Variants in EMX1 observed in about 807,000 individuals in gnomAD.
EMX1 encodes the protein homeobox protein EMX1.
In EMX1, 10 loss-of-function variants were observed where a neutral mutation model predicts 20.1. That is an observed-to-expected ratio of 0.50 (90% CI 0.31 to 0.84). EMX1 has a LOEUF of 0.84. Ranked by LOEUF, EMX1 falls within the 40% of genes least tolerant of loss-of-function variation. EMX1 has a pLI of 0.05. For synonymous variants in EMX1, 250 were observed against 200.4 expected, an observed-to-expected ratio of 1.25 and a Z score of -2.09; for missense variants, 424 against 431.9, an observed-to-expected ratio of 0.98 and a Z score of 0.16.
intron 2 of EMX1, 107 bp downstream of exon 2, chr2:72,924,600 G>T (rs1329832854): frequency 6.0e-6 from 8 of 1,323,918 alleles, no homozygotes; most frequent in Non-Finnish European, 8.0e-6. Flanking sequence ...GCCCTGCTGG[G>T]TTCCAAAAGG....
At chr2:72,918,616 G>C (rs1225235388) in intron 1 of EMX1, among the ~76,000 whole-genome samples, 1 of 152,212 alleles carries the variant, frequency 6.6e-6, no homozygotes, top group Admixed American at 6.5e-5. Flanking sequence ...ATACCAGTTC[G>C]GACGCAAGCC....
At chr2:72,916,590 G>A (rs1184098432), upstream of EMX1, 17 of 652,660 alleles carry the variant, frequency 2.6e-5, no homozygotes, top group Non-Finnish European at 4.2e-5. Context: ...CCGGAGCAGA[G>A]TCGTCCGCGG....
chr2:72,921,913 C>T (rs543917596), intron 1 of EMX1, among the ~76,000 whole-genome samples: 3 of 152,308 alleles, frequency 2.0e-5, no homozygotes, highest in Admixed American at 2.0e-4. Flanking sequence ...TTTATAAAGA[C>T]AAACACAGAG....
At chr2:72,931,142 G>A (rs1399332731) in intron 2 of EMX1, among the ~76,000 whole-genome samples, 1 of 152,188 alleles carries the variant, frequency 6.6e-6, no homozygotes, top group East Asian at 1.9e-4. Context: ...CTTGACCCCA[G>A]TATTTTTCAT....
In EMX1 at chr2:72,917,802, G is replaced by A. The variant is rs1045071235; in HGVS notation, c.-51G>A. Reference sequence around the variant, plus strand: ...CTCCGCGCCTGGCTCGCCCGCGGGGGCCGAGCGCGAGCGGGCGGGCGGGGG... The same window carrying A: ...CTCCGCGCCTGGCTCGCCCGCGGGGACCGAGCGCGAGCGGGCGGGCGGGGG... On this transcript the variant is annotated 5_prime_UTR_variant, in exon 1 of 3. Transcript: ENST00000258106. 3.2e-6 allele frequency: 4 copies of A among 1,269,726 alleles called. No individual in the cohort carries two copies. Among genetic ancestry groups the A allele is most frequent in the Middle Eastern group, 3.0e-4 (1 of 3,314 alleles). The allele number at this position is 1,269,726 out of a possible 1,614,324, so 78.7% of individuals were successfully genotyped here.
intron 2 of EMX1, 177 bp from the exon 3 acceptor site, chr2:72,933,610 G>A (rs953731687): frequency 1.3e-5 from 9 of 673,146 alleles, no homozygotes; most frequent in African/African-American, 3.6e-5. Context: ...ATCCCCTTCT[G>A]TGAATGTTAG....
chr2:72,925,921 T>G, intron 2 of EMX1: 13 of 985,432 alleles, frequency 1.3e-5, no homozygotes, highest in Non-Finnish European at 1.6e-5. Context: ...GGGAAAAAGC[T>G]TACAAAACAA....
intron 2 of EMX1, among the ~76,000 whole-genome samples, chr2:72,932,745 C>T (rs1671304315): frequency 6.6e-6 from 1 of 152,182 alleles, no homozygotes; most frequent in Admixed American, 6.5e-5. Flanking sequence ...GATGGTTGTC[C>T]AGTTTCTGTT....
chr2:72,933,985 G>GTGCTGCT lies in EMX1; in HGVS notation c.*39_*45dup, dbSNP rs369392080. The GTGCTGCT allele has an allele frequency of 6.3e-5, 102 of 1,613,406 alleles. No homozygotes were observed. In the East Asian group the frequency reaches 2.2e-3, roughly 35 times the overall value. On this transcript the variant is annotated 3_prime_UTR_variant, in exon 3 of 3. Coordinates refer to ENST00000258106, the MANE Select transcript of EMX1 (RefSeq NM_004097.3). ...GCAACCACAAACCCACGAGGGCAGA[G>GTGCTGCT]TGCTGCTTGCTGCTGGCCAGGCCCC...
intron 1 of EMX1, 114 bp from the exon 2 acceptor site, chr2:72,924,195 A>G (rs942515004): frequency 1.5e-6 from 2 of 1,312,078 alleles, no homozygotes; most frequent in Non-Finnish European, 2.1e-6. Context: ...AGGAATGGAG[A>G]GGGCAGGGCG....
At chr2:72,924,554 C>T in intron 2 of EMX1, 61 bp downstream of exon 2, 1 of 1,481,722 alleles carries the variant, frequency 6.7e-7, no homozygotes, top group Non-Finnish European at 9.0e-7. Context: ...TGAGGGTGCG[C>T]GGGTGCAGGA....
intron 1 of EMX1, among the ~76,000 whole-genome samples, chr2:72,919,305 TTTTC>T (rs1240802029): frequency 6.8e-6 from 1 of 147,956 alleles, no homozygotes; most frequent in African/African-American, 2.5e-5. Context: ...GAGTTTGTTT[TTTTC>T]TTTTCTTTTT....
At chr2:72,924,645 CT>C in intron 2 of EMX1, 152 bp downstream of exon 2, 1 of 966,368 alleles carries the variant, frequency 1.0e-6, no homozygotes, top group Non-Finnish European at 1.5e-6. Flanking sequence ...TCAAGCCCGT[CT>C]TTAGAGCCTC....
At chr2:72,929,224 CTG>C (rs1217739236) in intron 2 of EMX1, among the ~76,000 whole-genome samples, 1 of 152,096 alleles carries the variant, frequency 6.6e-6, no homozygotes, top group African/African-American at 2.4e-5. Flanking sequence ...TCCAGGAGTC[CTG>C]TGTGGGAGGA....
chr2:72,917,177 G>GAA, upstream of EMX1: 1 of 609,076 alleles, frequency 1.6e-6, no homozygotes, highest in South Asian at 2.0e-5. Flanking sequence ...TCTGAGAACT[G>GAA]AAACGACATC....
chr2:72,926,629 C>T (rs1671205103), intron 2 of EMX1, among the ~76,000 whole-genome samples: 1 of 152,214 alleles, frequency 6.6e-6, no homozygotes, highest in Admixed American at 6.5e-5. Flanking sequence ...GGGCAAGTCA[C>T]TTAACCTCTC....
At chr2:72,931,346 C>G (rs982005556) in intron 2 of EMX1, among the ~76,000 whole-genome samples, 3 of 152,224 alleles carry the variant, frequency 2.0e-5, no homozygotes, top group Non-Finnish European at 4.4e-5. Context: ...CTTGGAAATG[C>G]ATGTGGAAAG....
At position 72,933,948 on chromosome 2, in the gene EMX1, T is replaced by C. The variant is rs1393226231; in HGVS notation, c.867T>C (p.Asn289=). 1.9e-6 allele frequency: 3 copies of C among 1,614,100 alleles called. No individual in the cohort carries two copies. Among genetic ancestry groups the C allele is most frequent in the Non-Finnish European group, 2.5e-6 (3 of 1,180,036 alleles). The part of the protein sequence containing the change: ...ANGEDIDVTS[N]D ...GGGAGGACATCGATGTCACCTCCAA[T>C]GACTAGGGTGGGCAACCACAAACCC... Residue 289 remains asparagine, a synonymous_variant, in exon 3 of 3, where the codon AAT becomes AAC. Transcript: ENST00000258106.
intron 1 of EMX1, 132 bp from the exon 2 acceptor site, chr2:72,924,177 G>T (rs1235745963): frequency 1.8e-6 from 2 of 1,104,704 alleles, no homozygotes; most frequent in Non-Finnish European, 2.6e-6. Context: ...GCGTGTGTGT[G>T]CGTGTCAAGG....
Sources: allele counts gnomAD v4.1 joint callset (sites outside exome capture counted in the v4.1 genomes callset), GRCh38; gene constraint gnomAD v4.1.1; transcripts MANE v1.5; gene names NCBI Gene and HGNC (gene_info 2026-07-23, HGNC 2026-07-21).